Variants in BNIP1 observed in about 807,000 individuals in gnomAD.
BNIP1 encodes BCL2 interacting protein 1.
In BNIP1, 25 loss-of-function variants were observed where a neutral mutation model predicts 28.5. The observed-to-expected ratio is 0.88, with a 90% CI of 0.64 to 1.23. BNIP1 has a LOEUF of 1.23. BNIP1 is among the 50% of genes most tolerant of loss of function. The probability of loss-of-function intolerance (pLI) is 0.00; values close to 1 mark genes in which losing one functional copy is unlikely to be tolerated. For synonymous variants in BNIP1, 118 were observed against 101.7 expected, an observed-to-expected ratio of 1.16 and a Z score of -0.96; for missense variants, 276 against 277.0, an observed-to-expected ratio of 1.00 and a Z score of 0.02.
intron 2 of BNIP1, among the ~76,000 whole-genome samples, chr5:173,151,167 A>G (rs949068591): frequency 6.6e-6 from 1 of 151,244 alleles, no homozygotes. Context: ...ATTTTATTAT[A>G]CGTATATTGG....
chr5:173,147,001 G>A (rs753130513), intron 2 of BNIP1, 43 bp downstream of exon 2: 8 of 1,503,626 alleles, frequency 5.3e-6, no homozygotes, highest in Non-Finnish European at 7.4e-6. Flanking sequence ...CTCTGTCCTG[G>A]GTATATCCTC....
In BNIP1 at chr5:173,158,766, G is replaced by C; in HGVS notation, c.292G>C (p.Ala98Pro). ...MLSNQASWRKANLTCKIAIDN... is the reference protein window; with the variant it reads ...MLSNQASWRKPNLTCKIAIDN... ...CAGCAATCAGGCCTCATGGAGGAAA[G>C]CTAATCTCACCTGCAAAATTGCAAT... is the stretch of plus-strand genomic sequence containing the variant. The change falls in exon 4 of 6, where the codon GCT becomes CCT. Residue 98 changes from alanine to proline, a missense_variant. Transcript: ENST00000351486. 1 of 1,614,086 alleles carries C rather than the reference G, an allele frequency of 6.2e-7. No individual in the cohort carries two copies. Among genetic ancestry groups the C allele is most frequent in the Non-Finnish European group, 8.5e-7 (1 of 1,180,010 alleles).
Position 173,152,498 on chromosome 5 carries a change from C to T in BNIP1, c.178-1824C>T, listed in dbSNP as rs5745130. The stretch of plus-strand genomic sequence containing the variant: ...CCGAGTACCTGGGATTACAGGCGCC[C>T]GCCACCACGCCTGGCTAATTTTTTG... On this transcript the variant is annotated intron_variant, in intron 2 of 5. Coordinates refer to ENST00000351486, the MANE Select transcript of BNIP1 (RefSeq NM_001205.3). Among the ~76,000 whole-genome samples the T allele has an allele frequency of 4.8e-3, 728 of 152,134 alleles. 9 individuals carry two copies. The highest frequency in any genetic ancestry group is 0.016 in the African/African-American group (671 of 41,522).
At chr5:173,146,627 A>G (rs1390358741) in intron 1 of BNIP1, among the ~76,000 whole-genome samples, 3 of 152,216 alleles carry the variant, frequency 2.0e-5, no homozygotes, top group Non-Finnish European at 4.4e-5. Flanking sequence ...AATTAGGTCA[A>G]AGCAGTTGTG....
At chr5:173,153,116 C>T (rs937674411) in intron 2 of BNIP1, among the ~76,000 whole-genome samples, 2 of 151,768 alleles carry the variant, frequency 1.3e-5, no homozygotes, top group Non-Finnish European at 2.9e-5. Context: ...TGTGAGCGCT[C>T]ATCTTAGCAG....
At chr5:173,151,434 C>T (rs992284050) in intron 2 of BNIP1, 1 of 933,122 alleles carries the variant, frequency 1.1e-6, no homozygotes, top group Non-Finnish European at 1.6e-6. Flanking sequence ...GTTGCTCAGG[C>T]TGGACTTGAA....
chr5:173,147,449 G>A (rs1484646336), intron 2 of BNIP1, among the ~76,000 whole-genome samples: 1 of 151,856 alleles, frequency 6.6e-6, no homozygotes, highest in Non-Finnish European at 1.5e-5. Context: ...ACTGCCAGCT[G>A]TGTGAACGAG....
At chr5:173,147,628 T>C (rs767816593) in intron 2 of BNIP1, among the ~76,000 whole-genome samples, 9 of 152,060 alleles carry the variant, frequency 5.9e-5, no homozygotes, top group Non-Finnish European at 1.2e-4. Flanking sequence ...TCTTCCTTAT[T>C]TCAATAGTCA....
At chr5:173,155,082 A>G (rs1561596732) in intron 3 of BNIP1, among the ~76,000 whole-genome samples, 1 of 152,256 alleles carries the variant, frequency 6.6e-6, no homozygotes, top group Non-Finnish European at 1.5e-5. Context: ...AAGGTGGACC[A>G]AAATTTAGAA....
At chr5:173,153,448 C>T (rs1291309324) in intron 2 of BNIP1, among the ~76,000 whole-genome samples, 1 of 151,992 alleles carries the variant, frequency 6.6e-6, no homozygotes, top group African/African-American at 2.4e-5. Context: ...AGGATGGTCT[C>T]GATCTCCTGA....
intron 4 of BNIP1, 86 bp from the exon 5 acceptor site, chr5:173,159,847 A>G: frequency 8.9e-7 from 1 of 1,124,408 alleles, no homozygotes; most frequent in Non-Finnish European, 1.3e-6. Context: ...GATAGGTAAA[A>G]CATGAGATCT....
chr5:173,157,056 G>A (rs979444799), intron 3 of BNIP1, among the ~76,000 whole-genome samples: 3 of 152,148 alleles, frequency 2.0e-5, no homozygotes, highest in Non-Finnish European at 4.4e-5. Flanking sequence ...CATACAGTGA[G>A]TATCTGTTTG....
chr5:173,155,148 G>A (rs1210040341), intron 3 of BNIP1, among the ~76,000 whole-genome samples: 6 of 152,120 alleles, frequency 3.9e-5, no homozygotes, highest in African/African-American at 1.2e-4. Context: ...AAGAAAAACC[G>A]TAAATTAAAC....
chr5:173,151,002 A>G (rs372719370), intron 2 of BNIP1, among the ~76,000 whole-genome samples: 2 of 151,724 alleles, frequency 1.3e-5, no homozygotes, highest in African/African-American at 4.8e-5. Flanking sequence ...CACACAGCTA[A>G]TTTTTCGTAT....
intron 5 of BNIP1, among the ~76,000 whole-genome samples, chr5:173,163,345 G>C (rs1053028489): frequency 6.6e-6 from 1 of 152,232 alleles, no homozygotes; most frequent in African/African-American, 2.4e-5. Flanking sequence ...GCATTTGGCT[G>C]CTGCCCCAAC....
intron 4 of BNIP1, among the ~76,000 whole-genome samples, chr5:173,159,599 C>T (rs1760304356): frequency 6.6e-6 from 1 of 152,020 alleles, no homozygotes; most frequent in Non-Finnish European, 1.5e-5. Flanking sequence ...AGTAATACAC[C>T]AGGGCATGTC....
chr5:173,161,638 T>TAA (rs1760364595), intron 5 of BNIP1: 1 of 152,202 alleles, frequency 6.6e-6, no homozygotes, highest in Non-Finnish European at 1.5e-5. Flanking sequence ...CCTCACAAAT[T>TAA]CAGCTTGATT....
intron 3 of BNIP1, among the ~76,000 whole-genome samples, chr5:173,155,054 C>T (rs530843345): frequency 6.6e-6 from 1 of 152,132 alleles, no homozygotes; most frequent in South Asian, 2.1e-4. Context: ...AAAAAATCTA[C>T]AGAAAGAAAA....
intron 1 of BNIP1, among the ~76,000 whole-genome samples, chr5:173,145,944 C>T (rs189769287): frequency 5.1e-4 from 77 of 152,350 alleles, no homozygotes; most frequent in African/African-American, 1.8e-3. Context: ...TCTTGAACTT[C>T]ACTTCTCTGA....
Sources: allele counts gnomAD v4.1 joint callset (sites outside exome capture counted in the v4.1 genomes callset), GRCh38; gene constraint gnomAD v4.1.1; transcripts MANE v1.5; gene names NCBI Gene and HGNC (gene_info 2026-07-23, HGNC 2026-07-21).